EYA2: variants seen among roughly 807,000 people sequenced by gnomAD.
EYA2 encodes the protein protein phosphatase EYA2.
A neutral mutation model predicts 69.2 loss-of-function variants in EYA2; 31 were observed. That is an observed-to-expected ratio of 0.45 (90% CI 0.34 to 0.60). The LOEUF is 0.60. Among genes scored for constraint, EYA2 ranks in the 20% least tolerant of loss-of-function variants. EYA2 has a pLI of 0.02. For synonymous variants in EYA2, 257 were observed against 279.4 expected (o/e 0.92, Z 0.80); for missense variants, 622 against 701.2 (o/e 0.89, Z 1.28).
intron 5 of EYA2, among the ~76,000 whole-genome samples, chr20:47,016,503 A>G (rs76883151): frequency 5.1e-4 from 78 of 152,356 alleles, no homozygotes; most frequent in Non-Finnish European, 1.1e-3. Context: ...TCGGCAAATA[A>G]GCCAGATGAT....
intron 1 of EYA2, among the ~76,000 whole-genome samples, chr20:46,935,688 G>T (rs1439361687): frequency 6.6e-6 from 1 of 152,066 alleles, no homozygotes; most frequent in Non-Finnish European, 1.5e-5. Flanking sequence ...GCTGTTATAT[G>T]AATTAAATAA....
chr20:47,080,567 G>C (rs2031676345), intron 7 of EYA2, among the ~76,000 whole-genome samples: 1 of 152,020 alleles, frequency 6.6e-6, no homozygotes, highest in African/African-American at 2.4e-5. Context: ...AAGTTCAGAA[G>C]AACTATTGTA....
intron 1 of EYA2, among the ~76,000 whole-genome samples, chr20:46,899,117 C>A (rs960480692): frequency 6.6e-6 from 1 of 152,184 alleles, no homozygotes; most frequent in African/African-American, 2.4e-5. Flanking sequence ...GAAACTGAGT[C>A]GCAGGTCAAA....
intron 11 of EYA2, among the ~76,000 whole-genome samples, chr20:47,171,572 T>C (rs2034323120): frequency 1.3e-5 from 2 of 152,122 alleles, no homozygotes; most frequent in African/African-American, 4.8e-5. Context: ...AGCTGGGGAA[T>C]GTGAGGCATA....
chr20:47,021,626 CAAA>C (rs11477310), intron 5 of EYA2, among the ~76,000 whole-genome samples: 11 of 82,004 alleles, frequency 1.3e-4, no homozygotes, highest in Admixed American at 2.4e-4. Context: ...GACTCCATCT[CAAA>C]AAAAAAAAAA....
intron 1 of EYA2, among the ~76,000 whole-genome samples, chr20:46,979,069 A>G (rs1236383320): frequency 6.6e-6 from 1 of 152,138 alleles, no homozygotes; most frequent in Non-Finnish European, 1.5e-5. Flanking sequence ...GCTGGGAGTG[A>G]CCCTCTCCAA....
At chr20:47,169,565 A>G (rs893121382) in intron 11 of EYA2, among the ~76,000 whole-genome samples, 1 of 152,158 alleles carries the variant, frequency 6.6e-6, no homozygotes, top group African/African-American at 2.4e-5. Flanking sequence ...TCATCACCTC[A>G]AATCACTAAA....
At chr20:46,953,085 A>G (rs988082981) in intron 1 of EYA2, among the ~76,000 whole-genome samples, 15 of 152,210 alleles carry the variant, frequency 9.9e-5, no homozygotes, top group African/African-American at 3.6e-4. Context: ...TTTTAACAGC[A>G]TTATTCCTAA....
chr20:47,044,061 A>C (rs1572869), intron 5 of EYA2, among the ~76,000 whole-genome samples: 1 of 152,214 alleles, frequency 6.6e-6, no homozygotes, highest in Non-Finnish European at 1.5e-5. Context: ...GCATGCTGGT[A>C]TGGACAAAGT....
chr20:47,176,076 CT>C (rs35654076), intron 12 of EYA2, among the ~76,000 whole-genome samples: 1,380 of 112,352 alleles, frequency 0.012, 5 homozygotes, highest in Non-Finnish European at 0.018. Flanking sequence ...CACTTAAATT[CT>C]TTTTTTTTTT....
chr20:46,917,841 G>A (rs932751018), intron 1 of EYA2, among the ~76,000 whole-genome samples: 14 of 152,332 alleles, frequency 9.2e-5, no homozygotes, highest in Non-Finnish European at 1.9e-4. Flanking sequence ...CATTGTTGAA[G>A]GCTGCTCACT....
chr20:47,034,116 G>A (rs908882662), intron 5 of EYA2, among the ~76,000 whole-genome samples: 3 of 152,190 alleles, frequency 2.0e-5, no homozygotes, highest in African/African-American at 7.2e-5. Flanking sequence ...AACAAGATGA[G>A]AGCAAACCCT....
intron 1 of EYA2, among the ~76,000 whole-genome samples, chr20:46,976,909 A>T (rs963302782): frequency 3.3e-5 from 5 of 152,140 alleles, no homozygotes; most frequent in South Asian, 4.1e-4. Flanking sequence ...TGCTCCAGTC[A>T]TGTGGAATTC....
rs541693473 is a variant in EYA2 at position 46,985,923 on chromosome 20, G to T, written c.-10-4078G>T. 5.3e-5 allele frequency among the ~76,000 whole-genome samples: 8 copies of T among 152,234 alleles called. No homozygotes were observed. The South Asian group carries it at 1.7e-3, about 32-fold the overall frequency. ...CATTTGGTCAGTTGGCTAACAATTTGCTGCTTCTAATACTCTCATAGCATC... is the reference window on the plus strand; with the variant it reads ...CATTTGGTCAGTTGGCTAACAATTTTCTGCTTCTAATACTCTCATAGCATC... On this transcript the variant is annotated intron_variant, in intron 1 of 15. Transcript: ENST00000327619.
At chr20:47,020,658 T>C (rs990083504) in intron 5 of EYA2, among the ~76,000 whole-genome samples, 1 of 152,182 alleles carries the variant, frequency 6.6e-6, no homozygotes, top group African/African-American at 2.4e-5. Flanking sequence ...TGTTAAGAGT[T>C]CTGGACCTGG....
At chr20:47,005,886 ATATCT>A (rs1982680976) in intron 4 of EYA2, among the ~76,000 whole-genome samples, 1 of 152,136 alleles carries the variant, frequency 6.6e-6, no homozygotes, top group Non-Finnish European at 1.5e-5. Flanking sequence ...CTCCTAGCTG[ATATCT>A]TAACCAAAGC....
intron 4 of EYA2, among the ~76,000 whole-genome samples, chr20:47,011,337 C>T (rs969823359): frequency 1.3e-5 from 2 of 152,176 alleles, no homozygotes; most frequent in Non-Finnish European, 2.9e-5. Flanking sequence ...ATTCACATCA[C>T]GGAGCACCTG....
chr20:47,176,796 CTT>C (rs11470269), intron 12 of EYA2, among the ~76,000 whole-genome samples: 63,487 of 146,732 alleles, frequency 0.43, 13,699 homozygotes, highest in Non-Finnish European at 0.48. Flanking sequence ...ATCCTTCTTT[CTT>C]TTTTTTTTTT....
At chr20:47,107,162 A>G (rs906245652) in intron 9 of EYA2, among the ~76,000 whole-genome samples, 1 of 152,184 alleles carries the variant, frequency 6.6e-6, no homozygotes, top group Non-Finnish European at 1.5e-5. Context: ...AACAAAGTCC[A>G]TTAAAAACTC....
Sources: gnomAD v4.1 joint callset for allele counts (sites outside exome capture counted in the v4.1 genomes callset) on GRCh38, gnomAD v4.1.1 for gene constraint, MANE v1.5 for transcripts, NCBI Gene and HGNC (gene_info 2026-07-23, HGNC 2026-07-21) for gene names.